SORD: variants seen among roughly 807,000 people sequenced by gnomAD.
SORD encodes the protein sorbitol dehydrogenase, also known as (R,R)-butanediol dehydrogenase.
In SORD, 18 loss-of-function variants were observed where a neutral mutation model predicts 35.6. The observed-to-expected ratio is 0.51, with a 90% CI of 0.35 to 0.75. The LOEUF is 0.75. SORD is among the 30% of genes least tolerant of loss of function. The pLI is 0.01. For missense variants in SORD, 250 were observed against 390.2 expected (o/e 0.64, Z 3.03); for synonymous variants, 106 against 152.9 (o/e 0.69, Z 2.26).
chr15:45,065,331 C>T lies in SORD; in HGVS notation c.486C>T (p.Ile162=). 2 of 1,613,928 alleles carry T rather than the reference C, an allele frequency of 1.2e-6. No homozygotes were observed. The highest frequency in any genetic ancestry group is 1.7e-6 in the Non-Finnish European group (2 of 1,179,872). The change falls in exon 5 of 9, where the codon ATC becomes ATT. Residue 162 remains isoleucine (I), a synonymous_variant. Coordinates refer to ENST00000267814, the MANE Select transcript of SORD (RefSeq NM_003104.6). ...TGATCGAGCCACTTTCTGTGGGGAT[C>T]CATGCCTGCAGGAGAGGCGGAGTTA... ...GALIEPLSVG[I]HACRRGGVTL...
In SORD at chr15:45,069,194, C is replaced by CTTTTT. The variant is rs752540495; in HGVS notation, c.786+168_786+172dup. On this transcript the variant is annotated intron_variant, in intron 7 of 8. Transcript: ENST00000267814. ...CTTTTGCCATCTATGTTTTCTTTTTCTTTTTTTTTTTTTTTTTTTTTTTTT... is the reference window on the plus strand; with the variant it reads ...CTTTTGCCATCTATGTTTTCTTTTTCTTTTTTTTTTTTTTTTTTTTTTTTTTTTTT... 3.0e-3 allele frequency: 348 copies of CTTTTT among 116,992 alleles called. 1 individual carries two copies. Among genetic ancestry groups the CTTTTT allele is most frequent in the Non-Finnish European group, 4.7e-3 (257 of 55,012 alleles). 7.2% of individuals were successfully genotyped at this position (116,992 alleles called of 1,614,324 possible).
At chr15:45,066,904 A>T (rs1038928690) in intron 5 of SORD, among the ~76,000 whole-genome samples, 2 of 152,108 alleles carry the variant, frequency 1.3e-5, no homozygotes, top group African/African-American at 2.4e-5. Context: ...CACACATACC[A>T]CACACATGCA....
chr15:45,057,515 T>C (rs1211276847), intron 3 of SORD, among the ~76,000 whole-genome samples: 2 of 152,244 alleles, frequency 1.3e-5, no homozygotes, highest in Non-Finnish European at 2.9e-5. Context: ...CTGGGCGTGG[T>C]GGCTCACGCC....
At chr15:45,055,875 C>A (rs1413115741) in intron 3 of SORD, among the ~76,000 whole-genome samples, 1 of 151,946 alleles carries the variant, frequency 6.6e-6, no homozygotes, top group East Asian at 1.9e-4. Flanking sequence ...ATAAACAGAA[C>A]CAAAGACAAA....
At chr15:45,063,777 A>G (rs939712711) in intron 4 of SORD, among the ~76,000 whole-genome samples, 2 of 152,156 alleles carry the variant, frequency 1.3e-5, no homozygotes, top group Non-Finnish European at 2.9e-5. Flanking sequence ...GGAGTCCCTG[A>G]GAGAGTTTAG....
At chr15:45,026,389 GA>G (rs1038528174) in intron 1 of SORD, among the ~76,000 whole-genome samples, 6 of 152,112 alleles carry the variant, frequency 3.9e-5, no homozygotes, top group Non-Finnish European at 8.8e-5. Context: ...ATTTTGGGGG[GA>G]AAAAAGCCTT....
chr15:45,031,149 C>G (rs1022212501), intron 1 of SORD, among the ~76,000 whole-genome samples: 1 of 152,178 alleles, frequency 6.6e-6, no homozygotes, highest in Non-Finnish European at 1.5e-5. Flanking sequence ...AAGACCTTGT[C>G]TCTACAAAAA....
intron 7 of SORD, among the ~76,000 whole-genome samples, chr15:45,071,668 A>G (rs1248727249): frequency 6.6e-6 from 1 of 151,190 alleles, no homozygotes; most frequent in Non-Finnish European, 1.5e-5. Context: ...ACTCACAGGG[A>G]GTTCTGGGGA....
rs1426031748 is a variant in SORD at position 45,076,997 on chromosome 15, G to A, written c.*3467G>A. The A allele has an allele frequency of 6.7e-6, 1 of 149,482 alleles. No homozygotes were observed. The highest frequency in any genetic ancestry group is 6.6e-5 in the Admixed American group (1 of 15,206). The allele number at this position is 149,482 out of a possible 1,614,324, so 9.3% of individuals were successfully genotyped here. A position where few individuals can be genotyped will look rare whatever the true frequency, so the allele number is the denominator to read the frequency against. ...TGGATACCGTTTTACAAACATACTT[G>A]TTTTCATTTAATAAATGGCTAAATT... On this transcript the variant is annotated 3_prime_UTR_variant, in exon 9 of 9. Transcript: ENST00000267814.
chr15:45,030,665 T>C (rs1024290653), intron 1 of SORD, among the ~76,000 whole-genome samples: 1 of 152,274 alleles, frequency 6.6e-6, no homozygotes, highest in African/African-American at 2.4e-5. Context: ...AATAAGATCA[T>C]GTATGGTTAT....
At chr15:45,035,141 C>T (rs1892842180) in intron 1 of SORD, among the ~76,000 whole-genome samples, 2 of 152,182 alleles carry the variant, frequency 1.3e-5, no homozygotes, top group Non-Finnish European at 2.9e-5. Flanking sequence ...TCCTGTGCAG[C>T]CTGAGCCTCC....
At chr15:45,034,091 G>T (rs202161262) in intron 1 of SORD, among the ~76,000 whole-genome samples, 3,852 of 150,452 alleles carry the variant, frequency 0.026, 71 homozygotes, top group South Asian at 0.099. Flanking sequence ...TCCAGGGTTG[G>T]TTCAACCATA....
At chr15:45,063,592 G>C (rs1028148809) in intron 4 of SORD, among the ~76,000 whole-genome samples, 55 of 152,236 alleles carry the variant, frequency 3.6e-4, no homozygotes, top group African/African-American at 1.3e-3. Flanking sequence ...AGGCGGATGA[G>C]GCAGCATCTG....
intron 8 of SORD, 28 bp from the exon 9 acceptor site, chr15:45,073,337 T>G (rs1314267969): frequency 8.4e-7 from 1 of 1,188,204 alleles, no homozygotes; most frequent in Non-Finnish European, 1.2e-6. Flanking sequence ...TCTTGAAGGT[T>G]GAATATAATG....
At chr15:45,040,984 C>G (rs1892956905) in intron 2 of SORD, among the ~76,000 whole-genome samples, 1 of 152,156 alleles carries the variant, frequency 6.6e-6, no homozygotes, top group East Asian at 1.9e-4. Flanking sequence ...GTCCCTGTCC[C>G]CTGCCCTAAT....
chr15:45,068,836 T>C, intron 6 of SORD, 41 bp from the exon 7 acceptor site: 1 of 1,391,288 alleles, frequency 7.2e-7, no homozygotes, highest in Non-Finnish European at 9.3e-7. Flanking sequence ...CAGATTTCTC[T>C]TGTTTGAAAG....
At chr15:45,029,370 A>T (rs1216485939) in intron 1 of SORD, among the ~76,000 whole-genome samples, 1 of 103,802 alleles carries the variant, frequency 9.6e-6, no homozygotes, top group Non-Finnish European at 1.7e-5. Flanking sequence ...CCTTCGCCAG[A>T]CCTGTGGAGT....
Position 45,023,262 on chromosome 15 carries a change from A to G in SORD, c.-22A>G, listed in dbSNP as rs749854953. 1 of 1,551,248 alleles carries G rather than the reference A, an allele frequency of 6.4e-7. No individual in the cohort carries two copies. Among genetic ancestry groups the G allele is most frequent in the South Asian group, 1.2e-5 (1 of 82,012 alleles). On this transcript the variant is annotated 5_prime_UTR_variant, in exon 1 of 9. Coordinates refer to ENST00000267814, the MANE Select transcript of SORD (RefSeq NM_003104.6). ...AAACGTCCCGCGCCTTCCAGGCCGC[A>G]CTCCAGAGCCAAAAGAGCTCCATGG...
At chr15:45,029,377 G>A (rs879675268) in intron 1 of SORD, among the ~76,000 whole-genome samples, 1 of 152,246 alleles carries the variant, frequency 6.6e-6, no homozygotes, top group Non-Finnish European at 1.5e-5. Context: ...CAGACCTGTG[G>A]AGTACTGGGC....
Sources: allele counts gnomAD v4.1 joint callset (sites outside exome capture counted in the v4.1 genomes callset), GRCh38; gene constraint gnomAD v4.1.1; transcripts MANE v1.5; gene names NCBI Gene and HGNC (gene_info 2026-07-23, HGNC 2026-07-21).